SGPP1: variants seen among roughly 807,000 people sequenced by gnomAD.
SGPP1 encodes the protein sphingosine-1-phosphate phosphatase 1.
In SGPP1, 21 loss-of-function variants were observed where a neutral mutation model predicts 33.0. That is an observed-to-expected ratio of 0.64 (90% CI 0.45 to 0.92). SGPP1 has a LOEUF of 0.92. SGPP1 is among the 40% of genes least tolerant of loss of function. The probability of loss-of-function intolerance (pLI) is 0.00; values close to 1 mark genes in which losing one functional copy is unlikely to be tolerated. For missense variants in SGPP1, 543 were observed against 589.4 expected, an observed-to-expected ratio of 0.92 and a Z score of 0.81; for synonymous variants, 239 against 241.2, an observed-to-expected ratio of 0.99 and a Z score of 0.08.
intron 1 of SGPP1, among the ~76,000 whole-genome samples, chr14:63,726,135 T>C (rs1450846857): frequency 6.6e-6 from 1 of 152,106 alleles, no homozygotes; most frequent in African/African-American, 2.4e-5. Context: ...GAAGTATCCA[T>C]GGGGACGAAA....
In SGPP1 at chr14:63,686,535, T is replaced by A. The variant is rs1316191813; in HGVS notation, c.896A>T (p.His299Leu). Residue 299 changes from histidine to leucine, a missense_variant, in exon 3 of 3, where the codon CAT becomes CTT. Physicochemically the swap from His to Leu is moderately conservative, Grantham distance 99. Coordinates refer to ENST00000247225, the MANE Select transcript of SGPP1 (RefSeq NM_030791.4). ...KYAPFIIIGL[H>L]LALGIFSFTL... ...GAAAGAAAAGATCCCCAAAGCTAAATGAAGCCCGATGATGATGAATGGAGC... is the reference window on the plus strand; with the variant it reads ...GAAAGAAAAGATCCCCAAAGCTAAAAGAAGCCCGATGATGATGAATGGAGC... 6.2e-7 allele frequency: 1 copy of A among 1,613,940 alleles called. No individual in the cohort carries two copies. The highest frequency in any genetic ancestry group is 1.7e-5 in the Admixed American group (1 of 59,990).
chr14:63,727,285 G>A lies in SGPP1; in HGVS notation c.660C>T (p.Val220=), dbSNP rs747469371. The A allele has an allele frequency of 6.2e-7, 1 of 1,613,394 alleles. No homozygotes were observed. Among genetic ancestry groups the A allele is most frequent in the East Asian group, 2.2e-5 (1 of 44,862 alleles). ...MSGTAIPISM[V]LLTYGRWQYP... Reference sequence around the variant, plus strand: ...CCTGCCAGCGGCCATAGGTGAGGAGGACCATAGAAATGGGGATGGCGGTGC... The same window carrying A: ...CCTGCCAGCGGCCATAGGTGAGGAGAACCATAGAAATGGGGATGGCGGTGC... The change falls in exon 1 of 3, where the codon GTC becomes GTT. Residue 220 remains valine, a synonymous_variant. Transcript: ENST00000247225.
intron 1 of SGPP1, among the ~76,000 whole-genome samples, chr14:63,721,195 T>G (rs550074471): frequency 3.2e-4 from 49 of 152,312 alleles, no homozygotes; most frequent in African/African-American, 1.2e-3. Flanking sequence ...ATTTCTGTAT[T>G]TTTAGTAGAG....
In SGPP1 at chr14:63,727,625, G is replaced by C. The variant is rs776548509; in HGVS notation, c.320C>G (p.Ala107Gly). Residue 107 changes from alanine (A) to glycine (G), a missense_variant, in exon 1 of 3, where the codon GCT (alanine) becomes GGT (glycine). Transcript: ENST00000247225. ...GCCCGTCAGCGAGTTGCGGCGCAGA[G>C]CGCCCGCGCGCCGCGGCGAGGCCGG... The part of the protein sequence containing the change: ...LGPASPRRAG[A>G]LRRNSLTGEE... 3 of 1,436,678 alleles carry C rather than the reference G, an allele frequency of 2.1e-6. No individual in the cohort carries two copies. Among genetic ancestry groups the C allele is most frequent in the Non-Finnish European group, 2.7e-6 (3 of 1,104,366 alleles). The allele number at this position is 1,436,678 out of a possible 1,614,324, so 89.0% of individuals were successfully genotyped here.
In SGPP1 at chr14:63,727,260, C is replaced by A. The variant is rs1885901900; in HGVS notation, c.684+1G>T. The A allele has an allele frequency of 3.1e-6, 5 of 1,605,618 alleles. No individual in the cohort carries two copies. Among genetic ancestry groups the A allele is most frequent in the Admixed American group, 1.7e-5 (1 of 59,494 alleles). ...CTGAACAGGACGAGAAGGAACCCTA[C>A]CTGCCAGCGGCCATAGGTGAGGAGG... On this transcript the variant is annotated splice_donor_variant, in intron 1 of 2. Transcript: ENST00000247225. LOFTEE classifies it high-confidence loss of function.
intron 1 of SGPP1, among the ~76,000 whole-genome samples, chr14:63,718,381 TAA>T (rs927560697): frequency 1.3e-5 from 2 of 152,088 alleles, no homozygotes; most frequent in African/African-American, 4.8e-5. Context: ...ATTTTTCAAA[TAA>T]AAGAGCTAAG....
intron 2 of SGPP1, 85 bp downstream of exon 2, chr14:63,698,484 G>A (rs533335034): frequency 1.5e-6 from 1 of 664,514 alleles, no homozygotes; most frequent in African/African-American, 1.9e-5. Context: ...TAGGCTTCAG[G>A]TAAGTTTGCA....
chr14:63,691,440 T>C (rs72716362), intron 2 of SGPP1, among the ~76,000 whole-genome samples: 2,409 of 152,350 alleles, frequency 0.016, 27 homozygotes, highest in Non-Finnish European at 0.026. Context: ...CAAACTATTA[T>C]ATATTCTTTG....
At chr14:63,695,202 G>A (rs545444840) in intron 2 of SGPP1, among the ~76,000 whole-genome samples, 165 of 152,082 alleles carry the variant, frequency 1.1e-3, no homozygotes, top group African/African-American at 3.8e-3. Flanking sequence ...GACTACAGGC[G>A]CCCGCCACCA....
chr14:63,718,993 TATATATATATATATATATA>T (rs1885695385), intron 1 of SGPP1, among the ~76,000 whole-genome samples: 3 of 19,748 alleles, frequency 1.5e-4, no homozygotes, highest in African/African-American at 5.0e-4. Flanking sequence ...TATATATATA[TATATATATATATATATATA>T]TATTTTTTTT....
chr14:63,703,039 G>A (rs758625994), intron 1 of SGPP1, among the ~76,000 whole-genome samples: 11 of 152,056 alleles, frequency 7.2e-5, no homozygotes, highest in Admixed American at 3.3e-4. Flanking sequence ...CATATCCTCT[G>A]CTGATGAGCG....
intron 1 of SGPP1, among the ~76,000 whole-genome samples, chr14:63,700,877 T>C (rs1885283362): frequency 6.6e-6 from 1 of 152,194 alleles, no homozygotes; most frequent in Non-Finnish European, 1.5e-5. Flanking sequence ...CCTGGGAAAC[T>C]ACATGTTGAG....
rs199772112 is a variant in SGPP1 at position 63,723,510 on chromosome 14, A to T, written c.684+3751T>A. On this transcript the variant is annotated intron_variant, in intron 1 of 2. Transcript: ENST00000247225. ...CTGAGGGGAGTGGATCACGAGGTCA[A>T]GAGATCGAGACCATCCTGGCCAACA... Among the ~76,000 whole-genome samples, 3 of 152,140 alleles carry T rather than the reference A, an allele frequency of 2.0e-5. No individual in the cohort carries two copies. The South Asian group carries it at 6.2e-4, about 32-fold the overall frequency.
intron 2 of SGPP1, among the ~76,000 whole-genome samples, chr14:63,688,129 A>T (rs768903348): frequency 7.2e-5 from 11 of 151,774 alleles, no homozygotes; most frequent in Non-Finnish European, 1.5e-4. Flanking sequence ...CCAACTCAAA[A>T]ATAAATAAAT....
chr14:63,715,001 G>C (rs576706372), intron 1 of SGPP1, among the ~76,000 whole-genome samples: 1 of 151,366 alleles, frequency 6.6e-6, no homozygotes, highest in African/African-American at 2.4e-5. Flanking sequence ...GGGATTACAG[G>C]CATGAGCCAC....
At chr14:63,715,820 A>G (rs1885612100) in intron 1 of SGPP1, among the ~76,000 whole-genome samples, 1 of 152,188 alleles carries the variant, frequency 6.6e-6, no homozygotes, top group Admixed American at 6.5e-5. Context: ...CAGACTGTAG[A>G]AAAAACCACT....
At position 63,686,384 on chromosome 14, in the gene SGPP1, T is replaced by C. The variant is rs375905471; in HGVS notation, c.1047A>G (p.Thr349=). The C allele has an allele frequency of 4.3e-6, 7 of 1,614,026 alleles. No homozygotes were observed. The highest frequency in any genetic ancestry group is 1.3e-5 in the African/African-American group (1 of 74,906). Residue 349 remains threonine (T), a synonymous_variant, in exon 3 of 3, where the codon ACA becomes ACG. Coordinates refer to ENST00000247225, the MANE Select transcript of SGPP1 (RefSeq NM_030791.4). ...MGLVLDPSLD[T]LPLAGPPITV... is the part of the protein sequence containing the mutation. ...TAATGGGGGGCCCAGCTAAAGGTAATGTATCTAGAGAAGGATCTAATACTA... is the reference window on the plus strand; with the variant it reads ...TAATGGGGGGCCCAGCTAAAGGTAACGTATCTAGAGAAGGATCTAATACTA...
rs868103767 is a variant in SGPP1 at position 63,716,825 on chromosome 14, C to T, written c.684+10436G>A. Among the ~76,000 whole-genome samples, 42 of 152,092 alleles carry T rather than the reference C, an allele frequency of 2.8e-4. No individual in the cohort carries two copies. The Middle Eastern group carries it at 0.01, about 37-fold the overall frequency. On this transcript the variant is annotated intron_variant, in intron 1 of 2. Coordinates refer to ENST00000247225, the MANE Select transcript of SGPP1 (RefSeq NM_030791.4). ...TCTCCTGCCTCAGCCTCCCAAGTAG[C>T]TGGGATTACAGGCGCCCACCAACAT...
chr14:63,715,305 G>A (rs181897615), intron 1 of SGPP1, among the ~76,000 whole-genome samples: 11 of 152,120 alleles, frequency 7.2e-5, no homozygotes, highest in East Asian at 3.9e-4. Flanking sequence ...ATAATCCACC[G>A]CACCCAGCCA....
Sources: allele counts gnomAD v4.1 joint callset (sites outside exome capture counted in the v4.1 genomes callset), GRCh38; gene constraint gnomAD v4.1.1; transcripts MANE v1.5; gene names NCBI Gene and HGNC (gene_info 2026-07-23, HGNC 2026-07-21).